The following AK5 variants were observed in gnomAD, a reference collection of about 807,000 sequenced individuals.
AK5 encodes adenylate kinase isoenzyme 5.
Under a neutral mutation model 69.5 loss-of-function variants are expected in AK5, and 27 were observed. That is an observed-to-expected ratio of 0.39 (90% CI 0.29 to 0.54). The LOEUF (loss-of-function observed/expected upper bound fraction) is 0.54. Ranked by LOEUF, AK5 falls within the 20% of genes least tolerant of loss-of-function variation. AK5 has a pLI of 0.71. For missense variants in AK5, 531 were observed against 700.4 expected, an observed-to-expected ratio of 0.76 and a Z score of 2.73; for synonymous variants, 260 against 244.4, an observed-to-expected ratio of 1.06 and a Z score of -0.60.
intron 6 of AK5, among the ~76,000 whole-genome samples, chr1:77,391,412 CATATATATGTAT>C (rs1648424633): frequency 7.6e-6 from 1 of 131,154 alleles, no homozygotes; most frequent in Non-Finnish European, 1.6e-5. Context: ...TATACACACA[CATATATATGTAT>C]ATATATACAT....
intron 5 of AK5, among the ~76,000 whole-genome samples, chr1:77,307,414 T>C (rs12085340): frequency 0.02 from 3,086 of 151,942 alleles, 102 homozygotes; most frequent in African/African-American, 0.071. Flanking sequence ...TTGTATTTTT[T>C]CCAGAATTCC....
intron 10 of AK5, among the ~76,000 whole-genome samples, chr1:77,495,225 A>T (rs983994733): frequency 6.6e-6 from 1 of 152,218 alleles, no homozygotes; most frequent in Non-Finnish European, 1.5e-5. Context: ...AAGTGACAGA[A>T]TTGAGACTCA....
At chr1:77,547,075 A>T (rs1659576868) in intron 13 of AK5, among the ~76,000 whole-genome samples, 2 of 152,224 alleles carry the variant, frequency 1.3e-5, no homozygotes, top group Non-Finnish European at 2.9e-5. Context: ...TTCTTCCTGC[A>T]TTCAGTAAAT....
chr1:77,340,772 A>C, intron 6 of AK5: 1 of 437,770 alleles, frequency 2.3e-6, no homozygotes, highest in Non-Finnish European at 4.0e-6. Flanking sequence ...TTTTTAATTT[A>C]ATTGATTTTT....
intron 7 of AK5, among the ~76,000 whole-genome samples, chr1:77,414,612 T>A (rs1300074428): frequency 1.3e-5 from 2 of 152,218 alleles, no homozygotes; most frequent in Non-Finnish European, 2.9e-5. Context: ...CACTGGGTGC[T>A]TCCTCTAGGG....
intron 8 of AK5, among the ~76,000 whole-genome samples, chr1:77,434,866 TAGA>T (rs1345443569): frequency 1.3e-5 from 2 of 152,156 alleles, no homozygotes; most frequent in Non-Finnish European, 2.9e-5. Context: ...CATCATATCA[TAGA>T]AGAAGTAAAC....
intron 8 of AK5, among the ~76,000 whole-genome samples, chr1:77,479,688 A>T (rs111804264): frequency 0.012 from 1,853 of 152,290 alleles, 45 homozygotes; most frequent in African/African-American, 0.043. Flanking sequence ...AAGATTTAGT[A>T]TCCCACTTCA....
chr1:77,531,788 G>A (rs1247058173), intron 12 of AK5, among the ~76,000 whole-genome samples: 1 of 151,784 alleles, frequency 6.6e-6, no homozygotes, highest in Non-Finnish European at 1.5e-5. Context: ...GATGGGACTG[G>A]GCGCCGTGGA....
At chr1:77,536,986 A>G (rs1473335299) in intron 13 of AK5, among the ~76,000 whole-genome samples, 1 of 152,180 alleles carries the variant, frequency 6.6e-6, no homozygotes. Context: ...CACTCATCCC[A>G]TAACTATGTA....
At chr1:77,464,589 C>G (rs1341956345) in intron 8 of AK5, among the ~76,000 whole-genome samples, 1 of 152,134 alleles carries the variant, frequency 6.6e-6, no homozygotes, top group Non-Finnish European at 1.5e-5. Flanking sequence ...GAACAGAAGA[C>G]AGGGCATATT....
chr1:77,426,799 ACAGT>A (rs533503297), intron 8 of AK5, among the ~76,000 whole-genome samples: 2 of 152,338 alleles, frequency 1.3e-5, no homozygotes, highest in South Asian at 4.1e-4. Context: ...CTCTCAGAAC[ACAGT>A]CAAATTAAAC....
chr1:77,472,655 G>C (rs1418664267), intron 8 of AK5, among the ~76,000 whole-genome samples: 1 of 152,044 alleles, frequency 6.6e-6, no homozygotes, highest in East Asian at 1.9e-4. Flanking sequence ...GGCCAAGGCA[G>C]GTGGATCGCT....
At position 77,367,922 on chromosome 1, in the gene AK5, T is replaced by TATATAATATAAAATATATGTG. The variant is rs1557534731; in HGVS notation, c.891+27359_891+27360insATATAAAATATATGTGATATA. On this transcript the variant is annotated intron_variant, in intron 6 of 13. Coordinates refer to ENST00000354567, the MANE Select transcript of AK5 (RefSeq NM_174858.3). ...TATATTATATATAAAATATATGTGA[T>TATATAATATAAAATATATGTG]ATATATTATATATAATATATATGTT... is the stretch of plus-strand genomic sequence containing the variant. 1.5e-3 allele frequency among the ~76,000 whole-genome samples: 69 copies of TATATAATATAAAATATATGTG among 47,358 alleles called. 9 individuals are homozygous for TATATAATATAAAATATATGTG. The highest frequency in any genetic ancestry group is 4.1e-3 in the African/African-American group (67 of 16,180). 31.1% of individuals were successfully genotyped at this position (47,358 alleles called of 152,430 possible).
intron 8 of AK5, among the ~76,000 whole-genome samples, chr1:77,436,694 A>G (rs982767470): frequency 1.3e-5 from 2 of 151,966 alleles, no homozygotes; most frequent in South Asian, 4.1e-4. Flanking sequence ...GAATTAATTT[A>G]TAAATGATTA....
intron 6 of AK5, among the ~76,000 whole-genome samples, chr1:77,389,724 C>T (rs532515869): frequency 1.5e-4 from 23 of 152,154 alleles, no homozygotes; most frequent in African/African-American, 4.3e-4. Flanking sequence ...TACTTTGGGA[C>T]GCTGAGACAG....
intron 10 of AK5, among the ~76,000 whole-genome samples, chr1:77,503,176 A>T (rs1656826264): frequency 6.6e-6 from 1 of 152,232 alleles, no homozygotes; most frequent in Non-Finnish European, 1.5e-5. Flanking sequence ...AATTGCTGAG[A>T]GTTAACATTG....
At chr1:77,476,682 G>T (rs1343589779) in intron 8 of AK5, among the ~76,000 whole-genome samples, 3 of 152,070 alleles carry the variant, frequency 2.0e-5, no homozygotes, top group African/African-American at 7.2e-5. Context: ...TTGGGGAATT[G>T]GGAAGCCCGA....
intron 2 of AK5, chr1:77,293,526 G>T (rs767800971): frequency 3.7e-6 from 1 of 267,992 alleles, no homozygotes; most frequent in Non-Finnish European, 6.9e-6. Context: ...TGGAACACAG[G>T]CACACTCGTT....
intron 8 of AK5, 131 bp downstream of exon 8, chr1:77,417,846 T>C: frequency 3.4e-6 from 2 of 588,538 alleles, no homozygotes; most frequent in Non-Finnish European, 5.8e-6. Context: ...ACATATTACA[T>C]GATAAATTAC....
Sources: gnomAD v4.1 joint callset for allele counts (sites outside exome capture counted in the v4.1 genomes callset) on GRCh38, gnomAD v4.1.1 for gene constraint, MANE v1.5 for transcripts, NCBI Gene and HGNC (gene_info 2026-07-23, HGNC 2026-07-21) for gene names.